Variants in CALN1 observed in about 807,000 individuals in gnomAD.
CALN1 encodes the protein calneuron 1.
CALN1 carries 17 observed loss-of-function variants against 30.6 expected under a neutral mutation model. The observed-to-expected ratio is 0.56, with a 90% CI of 0.38 to 0.83. The LOEUF is 0.83. Among genes scored for constraint, CALN1 ranks in the 40% least tolerant of loss-of-function variants. CALN1 has a pLI of 0.00. For missense variants in CALN1, 291 were observed against 354.9 expected, an observed-to-expected ratio of 0.82 and a Z score of 1.45; for synonymous variants, 156 against 131.4, an observed-to-expected ratio of 1.19 and a Z score of -1.28.
chr7:72,428,059 C>A lies in CALN1; in HGVS notation c.-225-15784G>T, dbSNP rs35209281. ...GTCATCCCAGCCTCAGCTCAATGTC[C>A]CTTCTGTGTTCATTTGAAGTGACCC... On this transcript the variant is annotated intron_variant, in intron 1 of 6. Coordinates refer to the CALN1 transcript ENST00000395276. 2.0e-3 allele frequency among the ~76,000 whole-genome samples: 311 copies of A among 152,240 alleles called. 1 individual carries two copies. Among genetic ancestry groups the A allele is most frequent in the African/African-American group, 7.0e-3 (290 of 41,546 alleles).
chr7:72,249,794 G>C (rs946789389), intron 3 of CALN1, among the ~76,000 whole-genome samples: 1 of 152,076 alleles, frequency 6.6e-6, no homozygotes, highest in Admixed American at 6.6e-5. Flanking sequence ...AAAATTAGCT[G>C]GGTGTGGTGG....
intron 5 of CALN1, among the ~76,000 whole-genome samples, chr7:71,946,372 T>TC (rs1287599147): frequency 1.3e-5 from 2 of 149,450 alleles, no homozygotes; most frequent in Non-Finnish European, 3.0e-5. Flanking sequence ...TCTTTCTTTT[T>TC]TTTTTTTTTT....
chr7:72,226,067 G>A (rs1033013595), intron 3 of CALN1, among the ~76,000 whole-genome samples: 3 of 142,052 alleles, frequency 2.1e-5, no homozygotes, highest in Non-Finnish European at 3.0e-5. Flanking sequence ...CTGCACTCCA[G>A]CCTGGTGACA....
At chr7:72,494,488 G>T in the CALN1 span, among the ~76,000 whole-genome samples, 1 of 152,202 alleles carries the variant, frequency 6.6e-6, no homozygotes, top group Non-Finnish European at 1.5e-5. Context: ...CCTTGTTAGA[G>T]AAGTTCTTTT....
At chr7:72,099,973 C>T (rs1026442194) in intron 4 of CALN1, among the ~76,000 whole-genome samples, 1 of 151,972 alleles carries the variant, frequency 6.6e-6, no homozygotes, top group African/African-American at 2.4e-5. Flanking sequence ...TGCCTGAGCC[C>T]TGATGAGCTC....
At chr7:72,204,014 C>A (rs987061343) in intron 3 of CALN1, among the ~76,000 whole-genome samples, 4 of 68,592 alleles carry the variant, frequency 5.8e-5, no homozygotes, top group African/African-American at 8.8e-5. Context: ...TTTTTTGAGA[C>A]AGAGTCTCAC....
chr7:72,262,193 T>C (rs796281551), intron 3 of CALN1, among the ~76,000 whole-genome samples: 21 of 152,308 alleles, frequency 1.4e-4, no homozygotes, highest in African/African-American at 4.3e-4. Flanking sequence ...ATAAGTATTA[T>C]AGGACACATC....
At chr7:72,333,987 C>G (rs1801839063) in intron 2 of CALN1, among the ~76,000 whole-genome samples, 1 of 152,142 alleles carries the variant, frequency 6.6e-6, no homozygotes, top group African/African-American at 2.4e-5. Context: ...TGGAAAGTGC[C>G]CCGCACATAG....
At chr7:71,926,753 A>T (rs111615877) in intron 5 of CALN1, among the ~76,000 whole-genome samples, 3,010 of 151,496 alleles carry the variant, frequency 0.02, 92 homozygotes, top group African/African-American at 0.07. Context: ...AAGTTCATAA[A>T]TTTTTTCTTT....
chr7:72,181,971 TAC>T (rs145649757), intron 3 of CALN1, among the ~76,000 whole-genome samples: 71 of 152,334 alleles, frequency 4.7e-4, no homozygotes, highest in African/African-American at 1.7e-3. Context: ...ATTATGGGAT[TAC>T]AGACTCGAGC....
intron 6 of CALN1, among the ~76,000 whole-genome samples, chr7:71,798,138 AGAGAGAG>A: frequency 7.7e-6 from 1 of 129,068 alleles, no homozygotes; most frequent in Non-Finnish European, 1.7e-5. Flanking sequence ...AGAGAGAGAG[AGAGAGAG>A]AGAGAGAGAG....
the CALN1 span, among the ~76,000 whole-genome samples, chr7:72,478,887 C>CTTTTTTTTTTTTTTTTTTTTTTTT: frequency 7.2e-6 from 1 of 139,380 alleles, no homozygotes; most frequent in Non-Finnish European, 1.5e-5. Flanking sequence ...CGAACCACTT[C>CTTTTTTTTTTTTTTTTTTTTTTTT]TTTTTTTTTT....
chr7:72,217,829 TAAA>T (rs1452288509), intron 3 of CALN1, among the ~76,000 whole-genome samples: 3 of 125,382 alleles, frequency 2.4e-5, no homozygotes, highest in Non-Finnish European at 3.3e-5. Flanking sequence ...AAAAATTAAA[TAAA>T]TTTTTTTTTT....
intron 2 of CALN1, among the ~76,000 whole-genome samples, chr7:72,317,190 GGGGAGGGAAGGA>G (rs1405983895): frequency 4.6e-5 from 6 of 130,994 alleles, no homozygotes; most frequent in Non-Finnish European, 9.7e-5. Flanking sequence ...GGAGGCAGGA[GGGGAGGGAAGGA>G]GGGAGGGAGG....
intron 5 of CALN1, among the ~76,000 whole-genome samples, chr7:71,918,203 C>T (rs1046826481): frequency 6.6e-6 from 1 of 152,222 alleles, no homozygotes; most frequent in Non-Finnish European, 1.5e-5. Flanking sequence ...TGTACACACA[C>T]ATGTGTGCTG....
At chr7:72,055,920 C>T (rs1803226495) in intron 4 of CALN1, among the ~76,000 whole-genome samples, 1 of 152,168 alleles carries the variant, frequency 6.6e-6, no homozygotes, top group African/African-American at 2.4e-5. Context: ...ACTCAGGAGG[C>T]TGAGGCAGGA....
At chr7:72,499,854 TTTCTTTCTTTCTTTCTTTCTTTCTTTC>T in the CALN1 span, among the ~76,000 whole-genome samples, 1 of 52,056 alleles carries the variant, frequency 1.9e-5, no homozygotes, top group Non-Finnish European at 4.0e-5. Flanking sequence ...TCTTTCTTTC[TTTCTTTCTTTCTTTCTTTCTTTCTTTC>T]TTTCTTTCTT....
intron 5 of CALN1, among the ~76,000 whole-genome samples, chr7:71,932,519 T>C (rs1013117128): frequency 3.9e-5 from 6 of 151,988 alleles, no homozygotes; most frequent in African/African-American, 1.4e-4. Context: ...AACTTGACTA[T>C]AAGAAGTATA....
chr7:72,234,080 T>A (rs376661026), intron 3 of CALN1, among the ~76,000 whole-genome samples: 77 of 152,030 alleles, frequency 5.1e-4, no homozygotes, highest in African/African-American at 1.8e-3. Flanking sequence ...AACATAACAA[T>A]AGAAAGACAC....
Sources: gnomAD v4.1 joint callset for allele counts (sites outside exome capture counted in the v4.1 genomes callset) on GRCh38, gnomAD v4.1.1 for gene constraint, MANE v1.5 for transcripts, NCBI Gene and HGNC (gene_info 2026-07-23, HGNC 2026-07-21) for gene names.